SLFN5: variants seen among roughly 807,000 people sequenced by gnomAD.
SLFN5 encodes schlafen family member 5.
Under a neutral mutation model 48.5 loss-of-function variants are expected in SLFN5, and 34 were observed. That is an observed-to-expected ratio of 0.70 (90% CI 0.53 to 0.93). The LOEUF is 0.93. Among genes scored for constraint, SLFN5 ranks in the 40% least tolerant of loss-of-function variants. The pLI is 0.00. For missense variants in SLFN5, 1,006 were observed against 1,071.3 expected (o/e 0.94, Z 0.85); for synonymous variants, 387 against 396.2 (o/e 0.98, Z 0.28).
intron 1 of SLFN5, among the ~76,000 whole-genome samples, chr17:35,248,857 G>T (rs906264935): frequency 1.2e-4 from 18 of 152,086 alleles, no homozygotes; most frequent in African/African-American, 4.3e-4. Flanking sequence ...ACACATGTTG[G>T]TCAGAATCTC....
chr17:35,260,131 T>C (rs1597652652), intron 2 of SLFN5, among the ~76,000 whole-genome samples: 1 of 152,358 alleles, frequency 6.6e-6, no homozygotes, highest in South Asian at 2.1e-4. Context: ...TTCTTAAATA[T>C]TCACCCTTTC....
In SLFN5 at chr17:35,258,690, G is replaced by A. The variant is rs1206243361; in HGVS notation, c.-1G>A. On this transcript the variant is annotated 5_prime_UTR_variant, in exon 2 of 5. Coordinates refer to ENST00000299977, the MANE Select transcript of SLFN5 (RefSeq NM_144975.4). ...ATAGGAATAGGCCAAGTGCTGAGAA[G>A]ATGAGTCTTAGGATTGATGTGGATA... 6.2e-7 allele frequency: 1 copy of A among 1,609,974 alleles called. No individual in the cohort carries two copies. Among genetic ancestry groups the A allele is most frequent in the Non-Finnish European group, 8.5e-7 (1 of 1,177,086 alleles).
chr17:35,264,114 C>T, intron 3 of SLFN5, 69 bp from the exon 4 acceptor site: 2 of 1,497,284 alleles, frequency 1.3e-6, no homozygotes, highest in Non-Finnish European at 1.8e-6. Context: ...ATTAATTCTT[C>T]TACGTATAAT....
chr17:35,265,969 C>T lies in SLFN5; in HGVS notation c.*81C>T. On this transcript the variant is annotated 3_prime_UTR_variant, in exon 5 of 5. Transcript: ENST00000299977. The stretch of plus-strand genomic sequence containing the variant: ...AAACCATTTAATCCAAACATGTAAG[C>T]ACACACTCACTTATTAAGTCACATA... 1 of 1,379,440 alleles carries T rather than the reference C, an allele frequency of 7.2e-7. No homozygotes were observed. Among genetic ancestry groups the T allele is most frequent in the Non-Finnish European group, 9.8e-7 (1 of 1,020,492 alleles). The allele number at this position is 1,379,440 out of a possible 1,614,324, so 85.5% of individuals were successfully genotyped here.
rs1041352206 is a variant in SLFN5 at position 35,265,161 on chromosome 17, A to T, written c.1949A>T (p.Asp650Val). ...FEHIQHIIID[D>V]AQNFRTEDGD... is the part of the protein sequence containing the mutation. ...CACATCCAGCACATTATCATTGATGACGCTCAGAATTTCCGTACTGAAGAT... is the reference window on the plus strand; with the variant it reads ...CACATCCAGCACATTATCATTGATGTCGCTCAGAATTTCCGTACTGAAGAT... The change falls in exon 5 of 5, where the codon GAC becomes GTC. Residue 650 changes from aspartate to valine, a missense_variant. Physicochemically the swap from Asp to Val is radical, Grantham distance 152. Transcript: ENST00000299977. 1.2e-6 allele frequency: 2 copies of T among 1,614,114 alleles called. No homozygotes were observed. The highest frequency in any genetic ancestry group is 1.7e-5 in the Admixed American group (1 of 60,014).
intron 1 of SLFN5, among the ~76,000 whole-genome samples, chr17:35,257,655 C>G (rs945744895): frequency 6.6e-6 from 1 of 151,948 alleles, no homozygotes; most frequent in Non-Finnish European, 1.5e-5. Flanking sequence ...TTGCCTATGC[C>G]CCTTGTCACT....
In SLFN5 at chr17:35,270,485, A is replaced by G. The variant is rs907025867; in HGVS notation, c.*4597A>G. 1.3e-5 allele frequency: 2 copies of G among 152,258 alleles called. No individual in the cohort carries two copies. Among genetic ancestry groups the G allele is most frequent in the African/African-American group, 4.8e-5 (2 of 41,456 alleles). The allele number at this position is 152,258 out of a possible 1,614,324, so 9.4% of individuals were successfully genotyped here. A position where few individuals can be genotyped will look rare whatever the true frequency, so the allele number is the denominator to read the frequency against. On this transcript the variant is annotated 3_prime_UTR_variant, in exon 5 of 5. Coordinates refer to ENST00000299977, the MANE Select transcript of SLFN5 (RefSeq NM_144975.4). ...GAAAATCTAGGTAAACCACGGTAAT[A>G]CACTGAGGCTGGCACCACCACAGGC...
At position 35,268,810 on chromosome 17, in the gene SLFN5, C is replaced by G. The variant is rs1468663560; in HGVS notation, c.*2922C>G. 2.0e-5 allele frequency: 3 copies of G among 152,172 alleles called. No individual in the cohort carries two copies. Among genetic ancestry groups the G allele is most frequent in the African/African-American group, 7.2e-5 (3 of 41,430 alleles). 9.4% of individuals were successfully genotyped at this position (152,172 alleles called of 1,614,324 possible). ...ATAAAACAAGAGTTGAAGGCCTGTC[C>G]CACTGTACCCAATTTCTCCCTCTCT... On this transcript the variant is annotated 3_prime_UTR_variant, in exon 5 of 5. Transcript: ENST00000299977.
Position 35,258,881 on chromosome 17 carries a change from A to G in SLFN5, c.191A>G (p.Asn64Ser). The change falls in exon 2 of 5, where the codon AAC becomes AGC. Residue 64 changes from asparagine (N) to serine (S), a missense_variant. By Grantham distance (46) the Asn-to-Ser change is conservative. Coordinates refer to ENST00000299977, the MANE Select transcript of SLFN5 (RefSeq NM_144975.4). ...GGGIIKAEIE[N>S]KGYNYERHGV... ...GGCATAATCAAGGCTGAGATTGAGA[A>G]CAAAGGCTACAATTATGAACGTCAT... 6.2e-7 allele frequency: 1 copy of G among 1,614,202 alleles called. No individual in the cohort carries two copies. The highest frequency in any genetic ancestry group is 8.5e-7 in the Non-Finnish European group (1 of 1,180,024).
intron 4 of SLFN5, 72 bp downstream of exon 4, chr17:35,264,975 T>G: frequency 6.5e-7 from 1 of 1,534,564 alleles, no homozygotes; most frequent in Non-Finnish European, 8.7e-7. Context: ...GTTTACTTGC[T>G]AAAATTCATA....
At chr17:35,253,135 G>C (rs1409075682) in intron 1 of SLFN5, among the ~76,000 whole-genome samples, 1 of 151,866 alleles carries the variant, frequency 6.6e-6, no homozygotes, top group African/African-American at 2.4e-5. Context: ...CTTCTCACTG[G>C]GTCCTCGCAT....
At chr17:35,244,139 A>G (rs1404947285) in intron 1 of SLFN5, among the ~76,000 whole-genome samples, 1 of 152,182 alleles carries the variant, frequency 6.6e-6, no homozygotes, top group Non-Finnish European at 1.5e-5. Context: ...TGCTTGACAA[A>G]GAAACGGTGC....
In SLFN5 at chr17:35,273,321, G is replaced by A. The variant is rs1003848391; in HGVS notation, c.*7433G>A. 2 of 152,206 alleles carry A rather than the reference G, an allele frequency of 1.3e-5. No homozygotes were observed. Among genetic ancestry groups the A allele is most frequent in the African/African-American group, 4.8e-5 (2 of 41,458 alleles). 9.4% of individuals were successfully genotyped at this position (152,206 alleles called of 1,614,324 possible). ...TGTTTGACTCCAGGGAAGAACAGATGGGTGCCAGAGTGAAAAAAAGATAGC... is the reference window on the plus strand; with the variant it reads ...TGTTTGACTCCAGGGAAGAACAGATAGGTGCCAGAGTGAAAAAAAGATAGC... On this transcript the variant is annotated 3_prime_UTR_variant, in exon 5 of 5. Transcript: ENST00000299977.
Position 35,259,427 on chromosome 17 carries a change from T to TAGAC in SLFN5, c.738_741dup (p.Leu248ArgfsTer10). The stretch of plus-strand genomic sequence containing the variant: ...GTGATTGGATGTGAAAAAGAGAAAA[T>TAGAC]AGACCTTACGAGCTTGAGGGCTTCT... On this transcript the variant is annotated frameshift_variant, in exon 2 of 5. Transcript: ENST00000299977. LOFTEE classifies it high-confidence loss of function. 1 of 1,614,142 alleles carries TAGAC rather than the reference T, an allele frequency of 6.2e-7. No homozygotes were observed. The highest frequency in any genetic ancestry group is 8.5e-7 in the Non-Finnish European group (1 of 1,180,022).
chr17:35,258,545 G>A (rs1402783926), intron 1 of SLFN5, 106 bp from the exon 2 acceptor site: 2 of 854,020 alleles, frequency 2.3e-6, no homozygotes, highest in Non-Finnish European at 3.5e-6. Context: ...AATCATATCA[G>A]GAATAAATGA....
chr17:35,263,383 G>A (rs992064215), intron 3 of SLFN5, among the ~76,000 whole-genome samples: 5 of 151,468 alleles, frequency 3.3e-5, no homozygotes, highest in Admixed American at 2.6e-4. Context: ...CAACTGCCTC[G>A]GCCTCCCATG....
At chr17:35,263,533 C>T (rs949959327) in intron 3 of SLFN5, among the ~76,000 whole-genome samples, 1 of 152,136 alleles carries the variant, frequency 6.6e-6, no homozygotes, top group African/African-American at 2.4e-5. Context: ...CTTTAATAAT[C>T]AGCTCAGGGC....
At chr17:35,248,764 C>A (rs2092436130) in intron 1 of SLFN5, among the ~76,000 whole-genome samples, 1 of 152,126 alleles carries the variant, frequency 6.6e-6, no homozygotes. Context: ...CTAAACCCAG[C>A]AAGACTAGCA....
chr17:35,245,245 T>C (rs2092428094), intron 1 of SLFN5, among the ~76,000 whole-genome samples: 1 of 152,214 alleles, frequency 6.6e-6, no homozygotes, highest in African/African-American at 2.4e-5. Context: ...TAAGAGTTAC[T>C]TGAACATAAG....
Sources: gnomAD v4.1 joint callset for allele counts (sites outside exome capture counted in the v4.1 genomes callset) on GRCh38, gnomAD v4.1.1 for gene constraint, MANE v1.5 for transcripts, NCBI Gene and HGNC (gene_info 2026-07-23, HGNC 2026-07-21) for gene names.